Variants in ERICH4 observed in about 807,000 individuals in gnomAD.
The protein encoded by ERICH4 is glutamate rich 4.
Under a neutral mutation model 5.2 loss-of-function variants are expected in ERICH4, and 4 were observed. That is an observed-to-expected ratio of 0.77 (90% CI 0.38 to 1.76). The LOEUF (loss-of-function observed/expected upper bound fraction) is 1.76, where lower values mean the gene tolerates loss of function less well. Among genes scored for constraint, ERICH4 ranks in the 40% most tolerant of loss-of-function variants. The pLI is 0.04. For synonymous variants in ERICH4, 75 were observed against 68.7 expected, an observed-to-expected ratio of 1.09 and a Z score of -0.45; for missense variants, 164 against 159.8, an observed-to-expected ratio of 1.03 and a Z score of -0.14.
rs1222418624 is a variant in ERICH4 at position 41,443,209 on chromosome 19, C to A, written c.40C>A (p.Pro14Thr). ...WRQLNQAGLV[P>T]PGLGPPPQAL... ...GCAGCTGAATCAGGCTGGACTGGTG[C>A]CTCCGGGGCTGGGCCCACCCCCCCA... is the stretch of plus-strand genomic sequence containing the variant. Residue 14 changes from proline to threonine, a missense_variant, in exon 1 of 2, where the codon CCT (proline) becomes ACT (threonine). Coordinates refer to ENST00000378187, the MANE Select transcript of ERICH4 (RefSeq NM_001130514.3). The A allele has an allele frequency of 2.0e-6, 3 of 1,482,194 alleles. No individual in the cohort carries two copies. The highest frequency in any genetic ancestry group is 2.9e-5 in the African/African-American group (2 of 68,852). The allele number at this position is 1,482,194 out of a possible 1,614,324, so 91.8% of individuals were successfully genotyped here.
At chr19:41,443,897 C>T (rs1555773489) in intron 1 of ERICH4, 109 bp from the exon 2 acceptor site, 1 of 778,750 alleles carries the variant, frequency 1.3e-6, no homozygotes, top group East Asian at 2.7e-5. Flanking sequence ...AGGACCCTGC[C>T]CAGGCGCTGT....
chr19:41,444,518 G>T lies in ERICH4; in HGVS notation c.*294G>T. The T allele has an allele frequency of 2.1e-6, 1 of 474,924 alleles. No homozygotes were observed. The allele number at this position is 474,924 out of a possible 1,614,324, so 29.4% of individuals were successfully genotyped here. A position where few individuals can be genotyped will look rare whatever the true frequency, so the allele number is the denominator to read the frequency against. On this transcript the variant is annotated 3_prime_UTR_variant, in exon 2 of 2. Transcript: ENST00000378187. ...GATGGGGATCTCTGCAAATATGCTG[G>T]TGATGCATACAGATGCGATTTCAGA...
Position 41,444,100 on chromosome 19 carries a change from T to TGGA in ERICH4, c.283_285dup (p.Glu95dup), listed in dbSNP as rs377019094. 1.9e-5 allele frequency: 30 copies of TGGA among 1,550,822 alleles called. No individual in the cohort carries two copies. The highest frequency in any genetic ancestry group is 2.6e-5 in the Non-Finnish European group (30 of 1,146,628). ...CTGCGGGAGGAACTGGTCACCATAT[T>TGGA]GGAGGAGGAGGAGGAGAGCAGCAAG... On this transcript the variant is annotated inframe_insertion, in exon 2 of 2. Coordinates refer to ENST00000378187, the MANE Select transcript of ERICH4 (RefSeq NM_001130514.3).
At position 41,444,200 on chromosome 19, in the gene ERICH4, A is replaced by G. The variant is rs2122341154; in HGVS notation, c.369A>G (p.Pro123=). The G allele has an allele frequency of 6.4e-7, 1 of 1,552,242 alleles. No individual in the cohort carries two copies. Among genetic ancestry groups the G allele is most frequent in the Admixed American group, 2.0e-5 (1 of 51,008 alleles). ...EHLEACPAPH[P]PDFEMMI is the part of the protein sequence containing the mutation. The stretch of plus-strand genomic sequence containing the variant: ...TGGAGGCCTGCCCAGCCCCACATCC[A>G]CCTGACTTTGAGATGATGATCTGAG... Residue 123 remains proline, a synonymous_variant, in exon 2 of 2, where the codon CCA becomes CCG. Coordinates refer to ENST00000378187, the MANE Select transcript of ERICH4 (RefSeq NM_001130514.3).
chr19:41,443,320 C>A lies in ERICH4; in HGVS notation c.151C>A (p.Leu51Met). The change falls in exon 1 of 2, where the codon CTG becomes ATG. Residue 51 changes from leucine to methionine, a missense_variant. Physicochemically the swap from Leu to Met is conservative, Grantham distance 15. Coordinates refer to ENST00000378187, the MANE Select transcript of ERICH4 (RefSeq NM_001130514.3). ...GADTGGACDS[L>M]LWIREELGNL... ...AGACACTGGAGGTGCCTGCGATAGTCTGCTGTGGATCAGGGAGGAGCTGGT... is the reference window on the plus strand; with the variant it reads ...AGACACTGGAGGTGCCTGCGATAGTATGCTGTGGATCAGGGAGGAGCTGGT... 1 of 1,302,300 alleles carries A rather than the reference C, an allele frequency of 7.7e-7. No individual in the cohort carries two copies. Among genetic ancestry groups the A allele is most frequent in the Non-Finnish European group, 9.9e-7 (1 of 1,014,130 alleles). The allele number at this position is 1,302,300 out of a possible 1,614,324, so 80.7% of individuals were successfully genotyped here. A position where few individuals can be genotyped will look rare whatever the true frequency, so the allele number is the denominator to read the frequency against.
rs79685372 is a variant in ERICH4 at position 41,444,515 on chromosome 19, C to A, written c.*291C>A. ...TGAGATGGGGATCTCTGCAAATATG[C>A]TGGTGATGCATACAGATGCGATTTC... On this transcript the variant is annotated 3_prime_UTR_variant, in exon 2 of 2. Transcript: ENST00000378187. The A allele has an allele frequency of 0.012, 5,623 of 479,638 alleles. 272 individuals are homozygous for A. Among genetic ancestry groups the A allele is most frequent in the African/African-American group, 0.1 (5,144 of 51,190 alleles). 29.7% of individuals were successfully genotyped at this position (479,638 alleles called of 1,614,324 possible). A position where few individuals can be genotyped will look rare whatever the true frequency, so the allele number is the denominator to read the frequency against.
chr19:41,444,499 G>T lies in ERICH4; in HGVS notation c.*275G>T. ...GCCTCAGGTGTGCTGCTGAGATGGG[G>T]ATCTCTGCAAATATGCTGGTGATGC... On this transcript the variant is annotated 3_prime_UTR_variant, in exon 2 of 2. Transcript: ENST00000378187. The T allele has an allele frequency of 2.0e-6, 1 of 509,726 alleles. No individual in the cohort carries two copies. The highest frequency in any genetic ancestry group is 1.9e-5 in the African/African-American group (1 of 52,106). The allele number at this position is 509,726 out of a possible 1,614,324, so 31.6% of individuals were successfully genotyped here. A position where few individuals can be genotyped will look rare whatever the true frequency, so the allele number is the denominator to read the frequency against.
rs571587201 is a variant in ERICH4 at position 41,443,646 on chromosome 19, AAG to A, written c.174+308_174+309del. 2.2e-4 allele frequency among the ~76,000 whole-genome samples: 34 copies of A among 152,108 alleles called. No homozygotes were observed. The East Asian group carries it at 5.2e-3, about 23-fold the overall frequency. ...GGGCAGAGAGAGGGCAAGCGAGAGA[AAG>A]AGAGCCAAAGGCAGGGGCAGAGAAA... On this transcript the variant is annotated intron_variant, in intron 1 of 1. Coordinates refer to ENST00000378187, the MANE Select transcript of ERICH4 (RefSeq NM_001130514.3).
Position 41,444,452 on chromosome 19 carries a change from T to C in ERICH4, c.*228T>C. ...GGTGATGTGGGAGGTTGTAGAGAAG[T>C]TGCAGGTGCTTTCGCAGATGAGCCT... is the stretch of plus-strand genomic sequence containing the variant. On this transcript the variant is annotated 3_prime_UTR_variant, in exon 2 of 2. Coordinates refer to ENST00000378187, the MANE Select transcript of ERICH4 (RefSeq NM_001130514.3). 1 of 581,926 alleles carries C rather than the reference T, an allele frequency of 1.7e-6. No individual in the cohort carries two copies. Among genetic ancestry groups the C allele is most frequent in the South Asian group, 2.0e-5 (1 of 50,008 alleles). 36.0% of individuals were successfully genotyped at this position (581,926 alleles called of 1,614,324 possible). A position where few individuals can be genotyped will look rare whatever the true frequency, so the allele number is the denominator to read the frequency against.
Position 41,444,160 on chromosome 19 carries a change from A to C in ERICH4, c.329A>C (p.Gln110Pro), listed in dbSNP as rs1555773572. Residue 110 changes from glutamine to proline, a missense_variant, in exon 2 of 2, where the codon CAG becomes CCG. Transcript: ENST00000378187. ...EEEDQEPQRKQEEEHLEACPA... is the reference protein window; with the variant it reads ...EEEDQEPQRKPEEEHLEACPA... ...GAGGATCAAGAGCCCCAGAGGAAGC[A>C]GGAGGAGGAACACCTGGAGGCCTGC... is the stretch of plus-strand genomic sequence containing the variant. 2 of 1,552,180 alleles carry C rather than the reference A, an allele frequency of 1.3e-6. No homozygotes were observed.
At position 41,444,531 on chromosome 19, in the gene ERICH4, A is replaced by G. The variant is rs1299593350; in HGVS notation, c.*307A>G. 1.8e-5 allele frequency: 8 copies of G among 439,356 alleles called. No individual in the cohort carries two copies. Among genetic ancestry groups the G allele is most frequent in the Non-Finnish European group, 2.9e-5 (7 of 237,712 alleles). The allele number at this position is 439,356 out of a possible 1,614,324, so 27.2% of individuals were successfully genotyped here. On this transcript the variant is annotated 3_prime_UTR_variant, in exon 2 of 2. Coordinates refer to ENST00000378187, the MANE Select transcript of ERICH4 (RefSeq NM_001130514.3). ...GCAAATATGCTGGTGATGCATACAG[A>G]TGCGATTTCAGATCAACGCTGTCCA...
chr19:41,443,265 C>A lies in ERICH4; in HGVS notation c.96C>A (p.Ile32=). The A allele has an allele frequency of 7.1e-7, 1 of 1,413,420 alleles. No homozygotes were observed. Among genetic ancestry groups the A allele is most frequent in the Non-Finnish European group, 9.3e-7 (1 of 1,075,116 alleles). The allele number at this position is 1,413,420 out of a possible 1,614,324, so 87.6% of individuals were successfully genotyped here. ...QALREVSPVE[I]PGQTLRTAGA... is the part of the protein sequence containing the mutation. ...TGAGGGAGGTCTCCCCAGTGGAAATCCCTGGTCAGACCCTCAGGACTGCAG... is the reference window on the plus strand; with the variant it reads ...TGAGGGAGGTCTCCCCAGTGGAAATACCTGGTCAGACCCTCAGGACTGCAG... Residue 32 remains isoleucine, a synonymous_variant, in exon 1 of 2, where the codon ATC becomes ATA. Coordinates refer to ENST00000378187, the MANE Select transcript of ERICH4 (RefSeq NM_001130514.3).
At chr19:41,443,533 T>C (rs1341416993) in intron 1 of ERICH4, among the ~76,000 whole-genome samples, 190 bp downstream of exon 1, 2 of 137,232 alleles carry the variant, frequency 1.5e-5, no homozygotes, top group Non-Finnish European at 3.1e-5. Context: ...GACAGGGAGA[T>C]CCCAAAAGAG....
Position 41,444,150 on chromosome 19 carries a change from C to T in ERICH4, c.319C>T (p.Gln107Ter). The part of the protein sequence containing the change: ...SKEEEEDQEP[Q>*]RKQEEEHLEA... Reference sequence around the variant, plus strand: ...GGAAGAGGAGGAGGATCAAGAGCCCCAGAGGAAGCAGGAGGAGGAACACCT... The same window carrying T: ...GGAAGAGGAGGAGGATCAAGAGCCCTAGAGGAAGCAGGAGGAGGAACACCT... The change falls in exon 2 of 2, where the codon CAG (glutamine) becomes TAG (stop). Residue 107 changes from glutamine (Q) to a stop codon, truncating the protein, a stop_gained. Coordinates refer to ENST00000378187, the MANE Select transcript of ERICH4 (RefSeq NM_001130514.3). LOFTEE classifies it low-confidence loss of function (END_TRUNC). The T allele has an allele frequency of 6.4e-7, 1 of 1,552,032 alleles. No homozygotes were observed. The highest frequency in any genetic ancestry group is 1.2e-5 in the South Asian group (1 of 84,058).
Position 41,444,043 on chromosome 19 carries a change from AGCTGTGCAGCCTGGGGCT to A in ERICH4, c.214_231del (p.Leu72_Leu77del), listed in dbSNP as rs1555773534. On this transcript the variant is annotated inframe_deletion, in exon 2 of 2. Coordinates refer to ENST00000378187, the MANE Select transcript of ERICH4 (RefSeq NM_001130514.3). Reference sequence around the variant, plus strand: ...CGAGTGGATGTCCAGCTGCTGGGACAGCTGTGCAGCCTGGGGCTGGAGATGGGGGCGCTGCGGGAGGAA... The same window carrying A: ...CGAGTGGATGTCCAGCTGCTGGGACAGGAGATGGGGGCGCTGCGGGAGGAA... The A allele has an allele frequency of 6.4e-7, 1 of 1,550,444 alleles. No individual in the cohort carries two copies. The highest frequency in any genetic ancestry group is 8.7e-7 in the Non-Finnish European group (1 of 1,146,448).
At chr19:41,443,420 C>A in intron 1 of ERICH4, 77 bp downstream of exon 1, 1 of 1,203,288 alleles carries the variant, frequency 8.3e-7, no homozygotes, top group Non-Finnish European at 1.1e-6. Flanking sequence ...TAGAGAAGGC[C>A]AGAGATCGAA....
chr19:41,443,899 A>T (rs1466150608), intron 1 of ERICH4, 107 bp from the exon 2 acceptor site: 4 of 786,480 alleles, frequency 5.1e-6, no homozygotes, highest in Non-Finnish European at 6.1e-6. Context: ...GACCCTGCCC[A>T]GGCGCTGTGG....
rs2040149851 is a variant in ERICH4, at chr19:41,444,458, G to A, written c.*234G>A. 4 of 574,386 alleles carry A rather than the reference G, an allele frequency of 7.0e-6. No individual in the cohort carries two copies. Among genetic ancestry groups the A allele is most frequent in the Non-Finnish European group, 1.2e-5 (4 of 321,842 alleles). The allele number at this position is 574,386 out of a possible 1,614,324, so 35.6% of individuals were successfully genotyped here. On this transcript the variant is annotated 3_prime_UTR_variant, in exon 2 of 2. Coordinates refer to ENST00000378187, the MANE Select transcript of ERICH4 (RefSeq NM_001130514.3). ...GTGGGAGGTTGTAGAGAAGTTGCAGGTGCTTTCGCAGATGAGCCTCAGGTG... is the reference window on the plus strand; with the variant it reads ...GTGGGAGGTTGTAGAGAAGTTGCAGATGCTTTCGCAGATGAGCCTCAGGTG...
chr19:41,444,128 AGAG>A lies in ERICH4; in HGVS notation c.306_308del (p.Glu102del), dbSNP rs1568533474. On this transcript the variant is annotated inframe_deletion, in exon 2 of 2. Transcript: ENST00000378187. ...AGGAGGAGGAGGAGAGCAGCAAGGA[AGAG>A]GAGGAGGATCAAGAGCCCCAGAGGA... 13 of 1,552,024 alleles carry A rather than the reference AGAG, an allele frequency of 8.4e-6. No individual in the cohort carries two copies. The highest frequency in any genetic ancestry group is 4.8e-5 in the South Asian group (4 of 84,058).
Sources: gnomAD v4.1 joint callset for allele counts (sites outside exome capture counted in the v4.1 genomes callset) on GRCh38, gnomAD v4.1.1 for gene constraint, MANE v1.5 for transcripts, NCBI Gene and HGNC (gene_info 2026-07-23, HGNC 2026-07-21) for gene names.